The following TMEM230 variants were observed in gnomAD, a reference collection of about 807,000 sequenced individuals.
The protein encoded by TMEM230 is UPF0414 transmembrane protein C20orf30.
In TMEM230, 10 loss-of-function variants were observed where a neutral mutation model predicts 15.8. The observed-to-expected ratio is 0.63, with a 90% CI of 0.39 to 1.07. The LOEUF (loss-of-function observed/expected upper bound fraction) is 1.07, where lower values mean the gene tolerates loss of function less well. Ranked by LOEUF, TMEM230 falls within the 50% of genes least tolerant of loss-of-function variation. The pLI is 0.01. For synonymous variants in TMEM230, 67 were observed against 76.9 expected (o/e 0.87, Z 0.68); for missense variants, 165 against 193.3 (o/e 0.85, Z 0.87).
intron 3 of TMEM230, among the ~76,000 whole-genome samples, chr20:5,086,230 TAA>T (rs570691228): frequency 0.32 from 39,390 of 122,750 alleles, 6,263 homozygotes; most frequent in Middle Eastern, 0.48. Context: ...TCATTTCTAT[TAA>T]AAAAAAAAAA....
At position 5,099,995 on chromosome 20, in the gene TMEM230, C is replaced by G. The variant is rs2089789728; in HGVS notation, c.*796G>C. On this transcript the variant is annotated 3_prime_UTR_variant, in exon 5 of 5. Coordinates refer to ENST00000342308, the MANE Select transcript of TMEM230 (RefSeq NM_001009923.2). ...AGGCATCCAGGCTGATCCTTGGAATCATGAGCAGAATGATGACATACTACA... is the reference window on the plus strand; with the variant it reads ...AGGCATCCAGGCTGATCCTTGGAATGATGAGCAGAATGATGACATACTACA... 1 of 985,340 alleles carries G rather than the reference C, an allele frequency of 1.0e-6. No homozygotes were observed. 61.0% of individuals were successfully genotyped at this position (985,340 alleles called of 1,614,324 possible). A position where few individuals can be genotyped will look rare whatever the true frequency, so the allele number is the denominator to read the frequency against.
Position 5,100,771 on chromosome 20 carries a change from C to A in TMEM230, c.*20G>T. ...CTGGGACAGTTCCACTGTGACTCCT[C>A]CTCAGCTATGGGGTGGGTGCTAGTC... On this transcript the variant is annotated 3_prime_UTR_variant, in exon 5 of 5. Transcript: ENST00000342308. 1 of 1,612,390 alleles carries A rather than the reference C, an allele frequency of 6.2e-7. No homozygotes were observed. Among genetic ancestry groups the A allele is most frequent in the Non-Finnish European group, 8.5e-7 (1 of 1,179,766 alleles).
At chr20:5,073,425 T>A (rs979336897) in intron 3 of TMEM230, among the ~76,000 whole-genome samples, 1 of 152,234 alleles carries the variant, frequency 6.6e-6, no homozygotes, top group African/African-American at 2.4e-5. Context: ...CTGAGGGAAC[T>A]TCACTGTGTA....
downstream of TMEM230, among the ~76,000 whole-genome samples, chr20:5,099,261 A>C (rs115083047): frequency 6.9e-3 from 1,045 of 151,958 alleles, 10 homozygotes; most frequent in African/African-American, 0.023. Flanking sequence ...AAATAAAAAA[A>C]CCAAATCATT....
chr20:5,066,102 A>T (rs903084809), downstream of TMEM230: 6 of 152,282 alleles, frequency 3.9e-5, no homozygotes, highest in Admixed American at 6.5e-5. Context: ...TTGCTAAGTC[A>T]TGGTCAGGTT....
Position 5,087,016 on chromosome 20 carries a change from G to A in TMEM230, c.223-17667C>T, listed in dbSNP as rs142010850. ...AGCCTTCCAAGTCGCTGGGACTTCA[G>A]GCATGCACCACCATGCTCAGCTAAT... On this transcript the variant is annotated intron_variant, in intron 3 of 3. Transcript: ENST00000612323. Among the ~76,000 whole-genome samples, 6 of 152,226 alleles carry A rather than the reference G, an allele frequency of 3.9e-5. 1 individual carries two copies. The highest frequency in any genetic ancestry group is 1.4e-4 in the African/African-American group (6 of 41,524).
At chr20:5,063,002 G>A in the TMEM230 span, among the ~76,000 whole-genome samples, 1 of 152,092 alleles carries the variant, frequency 6.6e-6, no homozygotes. Flanking sequence ...GCACCATATT[G>A]CCTTCATAAG....
intron 3 of TMEM230, among the ~76,000 whole-genome samples, chr20:5,084,690 C>A (rs566675405): frequency 1.8e-4 from 28 of 152,274 alleles, no homozygotes; most frequent in African/African-American, 6.5e-4. Flanking sequence ...TGTGCCACCA[C>A]AGCCAGCTAA....
In TMEM230 at chr20:5,112,966, C is replaced by A. The variant is rs752977839; in HGVS notation, c.63G>T (p.Ala21=). Residue 21 remains alanine, a synonymous_variant, in exon 1 of 5, where the codon GCG becomes GCT. Transcript: ENST00000342308. ...CTGCCGCACACACGCCTTACCGGAGCGCCGCGCCAGGCCGCCCGCACACCC... is the reference window on the plus strand; with the variant it reads ...CTGCCGCACACACGCCTTACCGGAGAGCCGCGCCAGGCCGCCCGCACACCC... 3.9e-6 allele frequency: 6 copies of A among 1,550,368 alleles called. No individual in the cohort carries two copies. In the African/African-American group the frequency reaches 8.2e-5, roughly 21 times the overall value.
rs113370695 is a variant in TMEM230, at chr20:5,083,429, A to C, written c.223-14080T>G. ...GGAGTTTTAATATGCCTTTTTATTAAATCAGGAATAGCTGTCGAATTTTGT... is the reference window on the plus strand; with the variant it reads ...GGAGTTTTAATATGCCTTTTTATTACATCAGGAATAGCTGTCGAATTTTGT... On this transcript the variant is annotated intron_variant, in intron 3 of 3. Transcript: ENST00000612323. Among the ~76,000 whole-genome samples the C allele has an allele frequency of 1.0e-3, 156 of 152,000 alleles. 3 individuals are homozygous for C. In the South Asian group the frequency reaches 0.015, roughly 15 times the overall value.
chr20:5,084,502 A>G (rs1385139423), intron 3 of TMEM230, among the ~76,000 whole-genome samples: 2 of 150,976 alleles, frequency 1.3e-5, no homozygotes, highest in African/African-American at 4.9e-5. Context: ...GATTACAGGC[A>G]TGAGCCACTG....
the TMEM230 span, among the ~76,000 whole-genome samples, chr20:5,060,843 G>A: frequency 1.3e-5 from 2 of 152,122 alleles, no homozygotes; most frequent in Non-Finnish European, 2.9e-5. Context: ...GGGTCTTGGT[G>A]CACATGTGCA....
intron 1 of TMEM230, chr20:5,111,938 C>A: frequency 4.3e-6 from 1 of 234,268 alleles, no homozygotes; most frequent in Non-Finnish European, 7.0e-6. Flanking sequence ...CCTCCGCCTC[C>A]AGGGTTCAAA....
chr20:5,068,869 C>G, exon 4 of TMEM230: 1 of 243,248 alleles, frequency 4.1e-6, no homozygotes, highest in Non-Finnish European at 8.0e-6. Flanking sequence ...GTCTCTTCAG[C>G]ATCGCTCTCA....
At chr20:5,061,771 G>A in the TMEM230 span, among the ~76,000 whole-genome samples, 2 of 151,998 alleles carry the variant, frequency 1.3e-5, no homozygotes, top group Admixed American at 1.3e-4. Context: ...GCTAAATAAA[G>A]TTCAACCAAA....
chr20:5,088,815 A>G (rs1379163878), intron 3 of TMEM230, among the ~76,000 whole-genome samples: 2 of 152,176 alleles, frequency 1.3e-5, no homozygotes, highest in Non-Finnish European at 2.9e-5. Flanking sequence ...TGCCCAACCC[A>G]GAACCAGGTT....
chr20:5,060,019 G>A, the TMEM230 span, among the ~76,000 whole-genome samples: 12 of 152,140 alleles, frequency 7.9e-5, no homozygotes, highest in South Asian at 1.2e-3. Flanking sequence ...TAATCCACCC[G>A]CCTTGGCCTC....
chr20:5,076,530 C>T (rs770704028), intron 3 of TMEM230, among the ~76,000 whole-genome samples: 1 of 151,874 alleles, frequency 6.6e-6, no homozygotes, highest in Non-Finnish European at 1.5e-5. Flanking sequence ...GAAAGTGAGA[C>T]TCTATCTCAA....
chr20:5,101,955 T>A (rs1375934653), intron 4 of TMEM230, among the ~76,000 whole-genome samples: 1 of 152,198 alleles, frequency 6.6e-6, no homozygotes, highest in African/African-American at 2.4e-5. Context: ...TCTCTCCAAA[T>A]ACTGACAGTA....
Sources: allele counts gnomAD v4.1 joint callset (sites outside exome capture counted in the v4.1 genomes callset), GRCh38; gene constraint gnomAD v4.1.1; transcripts MANE v1.5; gene names NCBI Gene and HGNC (gene_info 2026-07-23, HGNC 2026-07-21).